The following PDE4D variants were observed in gnomAD, a reference collection of about 807,000 sequenced individuals.
PDE4D encodes phosphodiesterase 4D.
A neutral mutation model predicts 87.4 loss-of-function variants in PDE4D; 24 were observed. That is an observed-to-expected ratio of 0.27 (90% confidence interval 0.20 to 0.39). The LOEUF is 0.39. PDE4D is among the 10% of genes least tolerant of loss of function. The probability of loss-of-function intolerance (pLI) is 1.00; values close to 1 mark genes in which losing one functional copy is unlikely to be tolerated. For missense variants in PDE4D, 714 were observed against 1,041.0 expected, an observed-to-expected ratio of 0.69 and a Z score of 4.32; for synonymous variants, 384 against 383.2, an observed-to-expected ratio of 1.00 and a Z score of -0.02.
intron 1 of PDE4D, among the ~76,000 whole-genome samples, chr5:59,317,773 T>C (rs1774020885): frequency 1.3e-5 from 2 of 152,140 alleles, no homozygotes; most frequent in African/African-American, 4.8e-5. Flanking sequence ...AGAATTTCCC[T>C]TAATTTTTTC....
chr5:59,643,954 A>G (rs1742026008), intron 1 of PDE4D, among the ~76,000 whole-genome samples: 1 of 152,226 alleles, frequency 6.6e-6, no homozygotes, highest in South Asian at 2.1e-4. Flanking sequence ...TAGAAGGTAT[A>G]TAAATGTTAT....
At chr5:59,822,986 A>G (rs1769880089) in intron 1 of PDE4D, among the ~76,000 whole-genome samples, 1 of 152,196 alleles carries the variant, frequency 6.6e-6, no homozygotes, top group Non-Finnish European at 1.5e-5. Flanking sequence ...CACGTAAAAG[A>G]GTTATACCCT....
chr5:59,821,696 A>G (rs776485509), intron 1 of PDE4D, among the ~76,000 whole-genome samples: 1 of 152,156 alleles, frequency 6.6e-6, no homozygotes, highest in African/African-American at 2.4e-5. Context: ...TTTCTATCCC[A>G]TGGTGTTCTA....
At chr5:59,061,620 C>T (rs760929457) in intron 5 of PDE4D, among the ~76,000 whole-genome samples, 5 of 152,036 alleles carry the variant, frequency 3.3e-5, no homozygotes, top group Non-Finnish European at 5.9e-5. Flanking sequence ...AGCATCACAC[C>T]CTCCTCTTAC....
In PDE4D at chr5:58,975,607, C is replaced by A; in HGVS notation, c.2013+50G>T. 7.3e-7 allele frequency: 1 copy of A among 1,363,104 alleles called. No individual in the cohort carries two copies. Among genetic ancestry groups the A allele is most frequent in the South Asian group, 1.9e-5 (1 of 52,424 alleles). 84.4% of individuals were successfully genotyped at this position (1,363,104 alleles called of 1,614,324 possible). ...ATATGTAATACAAAGTAACCAAATGCTAAAGCGGTAGCTCTGTTCTCTCTG... is the reference window on the plus strand; with the variant it reads ...ATATGTAATACAAAGTAACCAAATGATAAAGCGGTAGCTCTGTTCTCTCTG... On this transcript the variant is annotated intron_variant, in intron 14 of 14. Coordinates refer to ENST00000340635, the MANE Select transcript of PDE4D (RefSeq NM_001104631.2). This position sits in a 1 kb window ranked among gnomAD's most constrained non-coding sequence, Gnocchi z 4.2.
intron 1 of PDE4D, among the ~76,000 whole-genome samples, chr5:59,504,476 A>C (rs1470761877): frequency 6.6e-6 from 1 of 152,188 alleles, no homozygotes; most frequent in Non-Finnish European, 1.5e-5. Context: ...TGCTTTAAAA[A>C]AGTTACCCTA....
At chr5:59,411,191 G>A (rs1456436411) in intron 1 of PDE4D, among the ~76,000 whole-genome samples, 1 of 152,028 alleles carries the variant, frequency 6.6e-6, no homozygotes, top group Non-Finnish European at 1.5e-5. Flanking sequence ...TTTGACAAAG[G>A]GAATGGTTTG....
intron 2 of PDE4D, among the ~76,000 whole-genome samples, chr5:60,018,903 C>G (rs1293976075): frequency 6.6e-6 from 1 of 152,136 alleles, no homozygotes; most frequent in Non-Finnish European, 1.5e-5. Context: ...AAACACCCTA[C>G]TGTCAATATT....
At chr5:60,461,207 G>C (rs758135340) in intron 1 of PDE4D, among the ~76,000 whole-genome samples, 4 of 152,188 alleles carry the variant, frequency 2.6e-5, no homozygotes, top group Non-Finnish European at 5.9e-5. Context: ...TATGATGGGT[G>C]ACAGAAAGAG....
intron 1 of PDE4D, among the ~76,000 whole-genome samples, chr5:60,397,991 C>T (rs550868064): frequency 6.6e-6 from 1 of 152,176 alleles, no homozygotes; most frequent in African/African-American, 2.4e-5. Flanking sequence ...ACAGGCTCTA[C>T]TGGAATGGAC....
At chr5:59,363,612 G>A (rs778127808) in intron 1 of PDE4D, among the ~76,000 whole-genome samples, 15 of 152,248 alleles carry the variant, frequency 9.9e-5, no homozygotes, top group South Asian at 8.3e-4. Flanking sequence ...TCCAACTCAC[G>A]AGCAGACATT....
chr5:59,595,109 T>G (rs1826483058), intron 1 of PDE4D, among the ~76,000 whole-genome samples: 1 of 152,214 alleles, frequency 6.6e-6, no homozygotes, highest in Admixed American at 6.5e-5. Flanking sequence ...TATGTACAAT[T>G]TTTATACAAT....
rs552947548 is a variant in PDE4D, at chr5:60,028,672, CT to C, written c.43-39956del. 9.3e-4 allele frequency among the ~76,000 whole-genome samples: 141 copies of C among 152,266 alleles called. 1 individual carries two copies. Among genetic ancestry groups the C allele is most frequent in the African/African-American group, 3.2e-3 (132 of 41,556 alleles). ...CCTAGTTTACATTCCTCAACTGCCT[CT>C]TTCCTCCTATAGTTCTTTGCTTTAA... On this transcript the variant is annotated intron_variant, in intron 2 of 16. Transcript: ENST00000502484.
intron 2 of PDE4D, among the ~76,000 whole-genome samples, chr5:59,209,331 G>A (rs143346771): frequency 3.9e-5 from 6 of 152,002 alleles, no homozygotes; most frequent in African/African-American, 7.2e-5. Context: ...GACTACAGGC[G>A]CCCACCACCA....
intron 1 of PDE4D, among the ~76,000 whole-genome samples, chr5:59,761,081 C>A (rs116024937): frequency 0.026 from 3,989 of 152,264 alleles, 199 homozygotes; most frequent in African/African-American, 0.091. Context: ...AGCCTACAAA[C>A]CTGTACAGCA....
intron 5 of PDE4D, among the ~76,000 whole-genome samples, chr5:59,097,762 T>C (rs191157083): frequency 1.9e-4 from 29 of 152,356 alleles, no homozygotes; most frequent in Admixed American, 1.6e-3. Flanking sequence ...AAATGTTTAC[T>C]GATAAAATCT....
At chr5:60,115,903 A>AT (rs1487714867) in intron 2 of PDE4D, among the ~76,000 whole-genome samples, 1 of 152,088 alleles carries the variant, frequency 6.6e-6, no homozygotes, top group Non-Finnish European at 1.5e-5. Flanking sequence ...TTCACATAAG[A>AT]TTTTACGTGA....
At chr5:59,510,093 T>G (rs1810025387) in intron 1 of PDE4D, among the ~76,000 whole-genome samples, 1 of 150,188 alleles carries the variant, frequency 6.7e-6, no homozygotes, top group Non-Finnish European at 1.5e-5. Context: ...ACAATGTATT[T>G]ATTTAAAAAC....
At chr5:59,473,584 AT>A (rs1395605317) in intron 1 of PDE4D, among the ~76,000 whole-genome samples, 1 of 152,086 alleles carries the variant, frequency 6.6e-6, no homozygotes, top group African/African-American at 2.4e-5. Flanking sequence ...CCATCTCAAA[AT>A]GCCTTATAGT....
Sources: allele counts gnomAD v4.1 joint callset (sites outside exome capture counted in the v4.1 genomes callset), GRCh38; gene constraint gnomAD v4.1.1; non-coding constraint Gnocchi (gnomAD v3.1); transcripts MANE v1.5; gene names NCBI Gene and HGNC (gene_info 2026-07-23, HGNC 2026-07-21).